The following ATP6V1C1 variants were observed in gnomAD, a reference collection of about 807,000 sequenced individuals.
The protein encoded by ATP6V1C1 is ATPase H+ transporting V1 subunit C1.
In ATP6V1C1, 45 loss-of-function variants were observed where a neutral mutation model predicts 53.9. The observed-to-expected ratio is 0.83, with a 90% CI of 0.66 to 1.07. The LOEUF (loss-of-function observed/expected upper bound fraction) is 1.07. ATP6V1C1 is among the 50% of genes least tolerant of loss of function. The pLI, the probability that ATP6V1C1 is intolerant of heterozygous loss-of-function variation, is 0.00. For missense variants in ATP6V1C1, 315 were observed against 440.3 expected, an observed-to-expected ratio of 0.72 and a Z score of 2.55; for synonymous variants, 153 against 155.2, an observed-to-expected ratio of 0.99 and a Z score of 0.11.
intron 1 of ATP6V1C1, among the ~76,000 whole-genome samples, chr8:103,036,933 AATT>A (rs1397227922): frequency 6.6e-6 from 1 of 152,182 alleles, no homozygotes; most frequent in African/African-American, 2.4e-5. Context: ...ACTTGCATAA[AATT>A]ATTATAATAA....
chr8:103,042,082 T>C (rs1202273347), intron 2 of ATP6V1C1, among the ~76,000 whole-genome samples: 1 of 152,112 alleles, frequency 6.6e-6, no homozygotes, highest in African/African-American at 2.4e-5. Flanking sequence ...TCCAGTGTCA[T>C]TGAATAGTAC....
chr8:103,052,741 A>T lies in ATP6V1C1; in HGVS notation c.392A>T (p.Gln131Leu). The T allele has an allele frequency of 6.3e-7, 1 of 1,589,040 alleles. No individual in the cohort carries two copies. Among genetic ancestry groups the T allele is most frequent in the South Asian group, 1.1e-5 (1 of 87,420 alleles). ...TTTTCTTTTTCAAAGGGAGTAACTC[A>T]GATTGATAATGACCTGAAATCTCGA... ...ISEIIAKGVT[Q>L]IDNDLKSRAS... The change falls in exon 6 of 13, where the codon CAG becomes CTG. Residue 131 changes from glutamine to leucine, a missense_variant. By Grantham distance (113) the Gln-to-Leu change is moderately radical (BLOSUM62 -2). Coordinates refer to ENST00000518738, the MANE Select transcript of ATP6V1C1 (RefSeq NM_001695.5).
chr8:103,032,012 CAAAAAA>C (rs1816805420), intron 1 of ATP6V1C1, among the ~76,000 whole-genome samples: 1 of 84,052 alleles, frequency 1.2e-5, no homozygotes, highest in East Asian at 3.6e-4. Flanking sequence ...AAAAAAAAAA[CAAAAAA>C]CAAAAAACAA....
chr8:103,045,542 A>G (rs1033717598), intron 3 of ATP6V1C1, among the ~76,000 whole-genome samples: 7 of 152,222 alleles, frequency 4.6e-5, no homozygotes, highest in Non-Finnish European at 8.8e-5. Flanking sequence ...AGAGCAAATT[A>G]TTATTATGAA....
At chr8:103,025,621 CA>C (rs796243688) in intron 1 of ATP6V1C1, among the ~76,000 whole-genome samples, 2 of 152,302 alleles carry the variant, frequency 1.3e-5, no homozygotes, top group South Asian at 4.1e-4. Flanking sequence ...ATGAATAACT[CA>C]AATAGAGTCC....
intron 8 of ATP6V1C1, among the ~76,000 whole-genome samples, chr8:103,061,453 T>A (rs991189904): frequency 3.9e-5 from 6 of 152,248 alleles, no homozygotes; most frequent in African/African-American, 1.2e-4. Context: ...AACATTTTTT[T>A]AATATAGTAT....
At chr8:103,062,878 T>A in intron 8 of ATP6V1C1, 77 bp from the exon 9 acceptor site, 1 of 1,272,718 alleles carries the variant, frequency 7.9e-7, no homozygotes. Flanking sequence ...CTCTTCCACC[T>A]GTTTCTGAAT....
At chr8:103,053,843 G>A (rs1365492652) in intron 6 of ATP6V1C1, 41 bp from the exon 7 acceptor site, 13 of 1,414,062 alleles carry the variant, frequency 9.2e-6, no homozygotes, top group Non-Finnish European at 1.3e-5. Context: ...TGTTACAGAA[G>A]CACATAATTA....
intron 2 of ATP6V1C1, among the ~76,000 whole-genome samples, chr8:103,041,304 T>C (rs913808472): frequency 6.6e-6 from 1 of 152,194 alleles, no homozygotes; most frequent in Non-Finnish European, 1.5e-5. Flanking sequence ...TGTTAGTAAA[T>C]TTATATTATG....
At chr8:103,065,946 G>A (rs1268741415) in intron 11 of ATP6V1C1, among the ~76,000 whole-genome samples, 1 of 151,842 alleles carries the variant, frequency 6.6e-6, no homozygotes, top group Non-Finnish European at 1.5e-5. Flanking sequence ...GGAGGCTGAG[G>A]CAGGAGAATG....
intron 1 of ATP6V1C1, among the ~76,000 whole-genome samples, chr8:103,028,308 G>A (rs1466032616): frequency 6.6e-6 from 1 of 152,156 alleles, no homozygotes; most frequent in Non-Finnish European, 1.5e-5. Flanking sequence ...GGAGGAATGC[G>A]AGGATAAGGC....
chr8:103,041,610 A>T (rs1817001938), intron 2 of ATP6V1C1, among the ~76,000 whole-genome samples: 1 of 152,156 alleles, frequency 6.6e-6, no homozygotes, highest in South Asian at 2.1e-4. Context: ...CATGGCTCAC[A>T]CCTGTAAACC....
At chr8:103,049,061 T>C in intron 4 of ATP6V1C1, 106 bp downstream of exon 4, 1 of 993,886 alleles carries the variant, frequency 1.0e-6, no homozygotes, top group Non-Finnish European at 1.5e-6. Context: ...GGACACTAAA[T>C]ACAATAGAAA....
intron 10 of ATP6V1C1, among the ~76,000 whole-genome samples, chr8:103,063,495 A>C (rs1328650619): frequency 6.6e-6 from 1 of 152,194 alleles, no homozygotes; most frequent in Non-Finnish European, 1.5e-5. Flanking sequence ...CCTAAAATAC[A>C]TACTTAAAAA....
chr8:103,050,058 T>G (rs1817174211), intron 4 of ATP6V1C1, among the ~76,000 whole-genome samples: 3 of 152,216 alleles, frequency 2.0e-5, no homozygotes, highest in Non-Finnish European at 2.9e-5. Flanking sequence ...AATCCAGTGT[T>G]CCTGAAATCT....
intron 1 of ATP6V1C1, among the ~76,000 whole-genome samples, chr8:103,030,545 C>T (rs1816780038): frequency 6.6e-6 from 1 of 152,152 alleles, no homozygotes; most frequent in Non-Finnish European, 1.5e-5. Context: ...GGACAATAGG[C>T]AGTACAGGAG....
intron 3 of ATP6V1C1, among the ~76,000 whole-genome samples, chr8:103,043,671 CTGATG>C (rs1188944212): frequency 1.3e-5 from 2 of 151,954 alleles, no homozygotes; most frequent in Admixed American, 1.3e-4. Flanking sequence ...TCCCTGTTGG[CTGATG>C]TGATGTGATG....
intron 3 of ATP6V1C1, among the ~76,000 whole-genome samples, chr8:103,047,281 C>T (rs1276659265): frequency 2.0e-5 from 3 of 151,804 alleles, no homozygotes. Context: ...GTGGCTCACA[C>T]CTGTAATCCC....
At chr8:103,044,154 G>A (rs532315644) in intron 3 of ATP6V1C1, among the ~76,000 whole-genome samples, 99 of 152,324 alleles carry the variant, frequency 6.5e-4, no homozygotes, top group African/African-American at 2.2e-3. Context: ...AAAGTGCTGG[G>A]ATTACAGGCG....
Sources: allele counts gnomAD v4.1 joint callset (sites outside exome capture counted in the v4.1 genomes callset), GRCh38; gene constraint gnomAD v4.1.1; transcripts MANE v1.5; gene names NCBI Gene and HGNC (gene_info 2026-07-23, HGNC 2026-07-21).